TAL1: variants seen among roughly 807,000 people sequenced by gnomAD.
The protein encoded by TAL1 is T-cell acute lymphocytic leukemia protein 1.
A neutral mutation model predicts 17.9 loss-of-function variants in TAL1; 8 were observed. The ratio of observed to expected loss-of-function variants is 0.45; its 90% CI spans 0.26 to 0.81. The LOEUF is 0.81. Among genes scored for constraint, TAL1 ranks in the 30% least tolerant of loss-of-function variants. The pLI, the probability that TAL1 is intolerant of heterozygous loss-of-function variation, is 0.17. For synonymous variants in TAL1, 223 were observed against 218.6 expected (o/e 1.02, Z -0.18); for missense variants, 466 against 486.9 (o/e 0.96, Z 0.40).
exon 4 of TAL1, chr1:47,219,481 T>C (rs962698627): frequency 3.0e-5 from 21 of 704,620 alleles, no homozygotes; most frequent in African/African-American, 1.0e-4. Context: ...GGGAAGACCG[T>C]GCCGTCTTCA....
chr1:47,224,946 G>C (rs775302395), intron 2 of TAL1, among the ~76,000 whole-genome samples: 1 of 152,178 alleles, frequency 6.6e-6, no homozygotes, highest in South Asian at 2.1e-4. Flanking sequence ...GCAGAGATTC[G>C]GGGGAGGGTG....
chr1:47,224,788 T>C (rs1490183421), intron 2 of TAL1, among the ~76,000 whole-genome samples: 2 of 152,310 alleles, frequency 1.3e-5, no homozygotes, highest in South Asian at 4.1e-4. Context: ...TCCAACCCTA[T>C]GGCTTCTCTC....
chr1:47,231,178 C>T (rs1214944302), upstream of TAL1: 1 of 177,814 alleles, frequency 5.6e-6, no homozygotes, highest in Non-Finnish European at 1.2e-5. Flanking sequence ...ACCCCTCAAA[C>T]ACCTAGGCAC....
Position 47,224,247 on chromosome 1 carries a change from G to GAC in TAL1, c.447-151_447-150dup, listed in dbSNP as rs141182492. On this transcript the variant is annotated intron_variant, in intron 2 of 3. Coordinates refer to ENST00000294339, the Ensembl canonical transcript of TAL1. ...CTTGAGCTGGGAATAGGCACACACA[G>GAC]ACACACACACACACATACACACGGA... 77 of 636,796 alleles carry GAC rather than the reference G, an allele frequency of 1.2e-4. No homozygotes were observed. The Middle Eastern group carries it at 1.3e-3, about 10-fold the overall frequency. The allele number at this position is 636,796 out of a possible 1,614,324, so 39.4% of individuals were successfully genotyped here.
intron 2 of TAL1, among the ~76,000 whole-genome samples, chr1:47,225,208 C>A (rs1310810694): frequency 1.3e-5 from 2 of 152,200 alleles, no homozygotes; most frequent in Non-Finnish European, 2.9e-5. Flanking sequence ...CAGCCATGCA[C>A]CCCGCAGCCA....
chr1:47,218,282 A>C (rs894711110), exon 4 of TAL1: 1 of 233,012 alleles, frequency 4.3e-6, no homozygotes, highest in Admixed American at 5.6e-5. Context: ...CAGGTCACAG[A>C]CAGGCCTCAC....
chr1:47,225,717 C>G, exon 2 of TAL1: 1 of 1,471,352 alleles, frequency 6.8e-7, no homozygotes, highest in Non-Finnish European at 8.9e-7. Context: ...CCCGGGCCTC[C>G]GCGCGCGCCC....
chr1:47,217,633 T>C (rs1222781753), exon 4 of TAL1: 11 of 398,506 alleles, frequency 2.8e-5, no homozygotes, highest in African/African-American at 4.1e-5. Flanking sequence ...GTCCACACCA[T>C]AGCCCTAGGA....
At chr1:47,218,715 G>A (rs182704304) in exon 4 of TAL1, 7 of 233,014 alleles carry the variant, frequency 3.0e-5, no homozygotes, top group African/African-American at 1.3e-4. Context: ...TCATAGGACA[G>A]GTTTTGTGCT....
chr1:47,224,710 G>A (rs570057507), intron 2 of TAL1, among the ~76,000 whole-genome samples: 1 of 152,236 alleles, frequency 6.6e-6, no homozygotes, highest in African/African-American at 2.4e-5. Flanking sequence ...CCATAGCTCT[G>A]TCTCGGGTGC....
At chr1:47,223,454 G>A (rs1643864578) in intron 3 of TAL1, 1 of 152,632 alleles carries the variant, frequency 6.6e-6, no homozygotes, top group Admixed American at 6.5e-5. Flanking sequence ...ATGTCAGGAA[G>A]GGAACTCCAG....
At chr1:47,232,022 GC>G (rs537925581), upstream of TAL1, 738 of 178,766 alleles carry the variant, frequency 4.1e-3, 4 homozygotes, top group African/African-American at 0.018. Context: ...CCCCCCCACC[GC>G]CCCCCCCGGC....
exon 4 of TAL1, chr1:47,217,743 A>C (rs1569878865): frequency 2.5e-6 from 1 of 398,496 alleles, no homozygotes; most frequent in Non-Finnish European, 4.4e-6. Flanking sequence ...AAACCCATCC[A>C]CCCATCCATA....
chr1:47,219,607 C>G, exon 4 of TAL1: 1 of 1,505,128 alleles, frequency 6.6e-7, no homozygotes, highest in Non-Finnish European at 9.0e-7. Context: ...CAGGAAAGTT[C>G]AAGTCCACCG....
exon 4 of TAL1, chr1:47,219,840 G>T: frequency 6.2e-7 from 1 of 1,600,988 alleles, no homozygotes; most frequent in Non-Finnish European, 8.5e-7. Context: ...CCAGGGAGCT[G>T]CCGCAGCTGG....
chr1:47,219,702 C>G, exon 4 of TAL1: 1 of 1,606,914 alleles, frequency 6.2e-7, no homozygotes, highest in Non-Finnish European at 8.5e-7. Flanking sequence ...CCTGGCTGAT[C>G]CTGGTGGCCC....
chr1:47,218,638 G>A (rs757036585), exon 4 of TAL1: 4 of 232,782 alleles, frequency 1.7e-5, no homozygotes, highest in Non-Finnish European at 2.5e-5. Flanking sequence ...GCTGGATCCT[G>A]GTCCTATTGA....
upstream of TAL1, chr1:47,229,883 C>G (rs181945565): frequency 1.3e-5 from 2 of 152,324 alleles, no homozygotes; most frequent in Admixed American, 6.5e-5. Context: ...CCCCATCCAC[C>G]CACCTCCAGC....
chr1:47,219,797 C>T, exon 4 of TAL1: 1 of 1,612,116 alleles, frequency 6.2e-7, no homozygotes, highest in Non-Finnish European at 8.5e-7. Flanking sequence ...GGCGCGGGCT[C>T]CTCCGTGTAG....
Sources: allele counts gnomAD v4.1 joint callset (sites outside exome capture counted in the v4.1 genomes callset), GRCh38; gene constraint gnomAD v4.1.1; transcripts MANE v1.5; gene names NCBI Gene and HGNC (gene_info 2026-07-23, HGNC 2026-07-21).